ENOX2: variants seen among roughly 807,000 people sequenced by gnomAD.
ENOX2 encodes the protein ecto-NOX disulfide-thiol exchanger 2, also known as APK1 antigen.
A neutral mutation model predicts 45.0 loss-of-function variants in ENOX2; 36 were observed. The observed-to-expected ratio is 0.80, with a 90% CI of 0.61 to 1.06. The LOEUF is 1.06. ENOX2 is among the 50% of genes least tolerant of loss of function. ENOX2 has a pLI of 0.00. For synonymous variants in ENOX2, 174 were observed against 152.3 expected (o/e 1.14, Z -1.05); for missense variants, 423 against 462.5 (o/e 0.91, Z 0.78).
chrX:130,627,883 C>A, intron 14 of ENOX2, 75 bp downstream of exon 14: 1 of 678,362 alleles, frequency 1.5e-6, no homozygotes, highest in South Asian at 2.2e-5. Flanking sequence ...CCTATTTATG[C>A]TTGAGGAGAG....
intron 2 of ENOX2, among the ~76,000 whole-genome samples, chrX:130,864,839 C>A (rs777076234): frequency 9.0e-6 from 1 of 111,234 alleles, no homozygotes; most frequent in East Asian, 2.8e-4. Context: ...CATGTGAAAC[C>A]CCATTTCTAC....
intron 10 of ENOX2, among the ~76,000 whole-genome samples, chrX:130,647,052 C>G (rs1441402441): frequency 8.9e-6 from 1 of 112,363 alleles, no homozygotes; most frequent in Admixed American, 9.4e-5. Flanking sequence ...CACTGTGTGT[C>G]CTCCCTCAGT....
At chrX:130,820,154 C>G (rs1007160481) in intron 2 of ENOX2, among the ~76,000 whole-genome samples, 3 of 111,959 alleles carry the variant, frequency 2.7e-5, no homozygotes, top group African/African-American at 9.7e-5. Context: ...GACAAAGGAC[C>G]TGAATAGACA....
At chrX:130,747,206 A>C (rs747700600) in intron 3 of ENOX2, among the ~76,000 whole-genome samples, 30 of 111,118 alleles carry the variant, frequency 2.7e-4, no homozygotes, top group African/African-American at 9.8e-4. Flanking sequence ...GAAGCCCTTA[A>C]ACGTCACATG....
chrX:130,676,111 T>C (rs1289985338), intron 6 of ENOX2, among the ~76,000 whole-genome samples: 1 of 111,570 alleles, frequency 9.0e-6, no homozygotes, highest in Non-Finnish European at 1.9e-5. Context: ...AAAATGGGGC[T>C]ACCAATGATT....
At chrX:130,657,450 T>C (rs1215565711) in intron 9 of ENOX2, among the ~76,000 whole-genome samples, 1 of 110,825 alleles carries the variant, frequency 9.0e-6, no homozygotes, top group African/African-American at 3.3e-5. Context: ...TCAAGGAGAG[T>C]TCACGGCAGT....
intron 4 of ENOX2, among the ~76,000 whole-genome samples, chrX:130,692,901 T>A (rs972762626): frequency 2.7e-5 from 3 of 111,286 alleles, no homozygotes; most frequent in East Asian, 5.6e-4. Context: ...TATTCCCTCT[T>A]CTGATTCATG....
intron 5 of ENOX2, among the ~76,000 whole-genome samples, chrX:130,683,283 T>G (rs1281312502): frequency 2.7e-5 from 3 of 111,855 alleles, no homozygotes; most frequent in Non-Finnish European, 5.6e-5. Flanking sequence ...TGCCAGGATT[T>G]ATATACTGCA....
chrX:130,780,308 A>C (rs772018027), intron 3 of ENOX2, among the ~76,000 whole-genome samples: 3 of 112,119 alleles, frequency 2.7e-5, no homozygotes, highest in Non-Finnish European at 5.6e-5. Context: ...CCAATGTTTT[A>C]CATACATTTT....
At position 130,871,200 on chromosome X, in the gene ENOX2, T is replaced by A. The variant is rs546106544; in HGVS notation, c.-183+30484A>T. On this transcript the variant is annotated intron_variant, in intron 2 of 14. Coordinates refer to ENST00000394363, the MANE Select transcript of ENOX2 (RefSeq NM_006375.4). The stretch of plus-strand genomic sequence containing the variant: ...ATAGTATCTACTTGTAAATTTTGCA[T>A]GTTTTAAGTTAGATAGTAATATTGA... Among the ~76,000 whole-genome samples, 4 of 111,662 alleles carry A rather than the reference T, an allele frequency of 3.6e-5. No individual in the cohort carries two copies. The South Asian group carries it at 1.1e-3, about 31-fold the overall frequency.
intron 3 of ENOX2, among the ~76,000 whole-genome samples, chrX:130,773,453 GT>G (rs1427502765): frequency 8.9e-6 from 1 of 112,358 alleles, no homozygotes; most frequent in East Asian, 2.8e-4. Flanking sequence ...GTGGGGAATG[GT>G]GTCTATCTTA....
chrX:130,627,938 C>T lies in ENOX2; in HGVS notation c.1614+20G>A. On this transcript the variant is annotated intron_variant, in intron 14 of 14. Transcript: ENST00000394363. ...AAAATCCCACATCCCCTTGCATCCC[C>T]ATTTTAGGCCCCCATATACCTTATT... The T allele has an allele frequency of 8.8e-7, 1 of 1,139,677 alleles. No individual in the cohort carries two copies. The highest frequency in any genetic ancestry group is 1.2e-6 in the Non-Finnish European group (1 of 830,576). The allele number at this position is 1,139,677 out of a possible 1,213,427, so 93.9% of individuals were successfully genotyped here.
chrX:130,726,258 C>T (rs1332165042), intron 3 of ENOX2, among the ~76,000 whole-genome samples: 1 of 111,853 alleles, frequency 8.9e-6, no homozygotes, highest in Non-Finnish European at 1.9e-5. Context: ...AAGAGCTCTC[C>T]AACAAAGCAA....
intron 2 of ENOX2, among the ~76,000 whole-genome samples, chrX:130,838,737 C>T (rs1345019136): frequency 9.0e-6 from 1 of 111,703 alleles, no homozygotes; most frequent in Non-Finnish European, 1.9e-5. Context: ...TCCTTAATCT[C>T]GAGAAGATAA....
chrX:130,658,309 TAAAG>T (rs2036597955), intron 9 of ENOX2, among the ~76,000 whole-genome samples: 1 of 110,454 alleles, frequency 9.1e-6, no homozygotes, highest in Admixed American at 9.7e-5. Flanking sequence ...TGAGAGAACT[TAAAG>T]AGAGAGAAAA....
chrX:130,838,200 G>A (rs2077959079), intron 2 of ENOX2, among the ~76,000 whole-genome samples: 1 of 111,285 alleles, frequency 9.0e-6, no homozygotes. Context: ...TGGCCAACAT[G>A]GTAAAACCCC....
At chrX:130,794,901 C>T (rs2077096671) in intron 2 of ENOX2, among the ~76,000 whole-genome samples, 1 of 112,020 alleles carries the variant, frequency 8.9e-6, no homozygotes, top group African/African-American at 3.2e-5. Context: ...TCTAATTAAC[C>T]AATGATGAGT....
chrX:130,787,835 T>C (rs2076990457), intron 2 of ENOX2, among the ~76,000 whole-genome samples: 1 of 111,760 alleles, frequency 8.9e-6, no homozygotes, highest in African/African-American at 3.3e-5. Flanking sequence ...CCTAATTTTT[T>C]TTATAGAGAA....
chrX:130,868,778 A>G (rs920194920), intron 2 of ENOX2, among the ~76,000 whole-genome samples: 1 of 111,430 alleles, frequency 9.0e-6, no homozygotes, highest in African/African-American at 3.3e-5. Context: ...CTGATATCCT[A>G]GATACCTCCA....
Sources: allele counts gnomAD v4.1 joint callset (sites outside exome capture counted in the v4.1 genomes callset), GRCh38; gene constraint gnomAD v4.1.1; transcripts MANE v1.5; gene names NCBI Gene and HGNC (gene_info 2026-07-23, HGNC 2026-07-21).